The following FNDC3B variants were observed in gnomAD, a reference collection of about 807,000 sequenced individuals.
FNDC3B encodes fibronectin type III domain-containing protein 3B.
FNDC3B carries 12 observed loss-of-function variants against 151.5 expected under a neutral mutation model. That is an observed-to-expected ratio of 0.08 (90% CI 0.05 to 0.13). The LOEUF is 0.13. Among genes scored for constraint, FNDC3B ranks in the 10% least tolerant of loss-of-function variants. The pLI is 1.00. For synonymous variants in FNDC3B, 528 were observed against 549.0 expected, an observed-to-expected ratio of 0.96 and a Z score of 0.54; for missense variants, 1,214 against 1,505.3, an observed-to-expected ratio of 0.81 and a Z score of 3.20.
At chr3:172,228,810 A>G (rs1726725448) in intron 4 of FNDC3B, among the ~76,000 whole-genome samples, 1 of 152,220 alleles carries the variant, frequency 6.6e-6, no homozygotes, top group Non-Finnish European at 1.5e-5. Flanking sequence ...CTCCTTGACC[A>G]GAAGATGGGT....
intron 9 of FNDC3B, chr3:172,302,935 A>G (rs1302561166): frequency 7.3e-6 from 1 of 137,914 alleles, no homozygotes; most frequent in African/African-American, 2.8e-5. Context: ...AGAGAGAGAC[A>G]GAGACAGAGA....
intron 4 of FNDC3B, among the ~76,000 whole-genome samples, chr3:172,245,232 G>C (rs1335099351): frequency 6.6e-6 from 1 of 151,874 alleles, no homozygotes; most frequent in East Asian, 1.9e-4. Context: ...AAATTTTTTC[G>C]TTATAAATAG....
intron 1 of FNDC3B, among the ~76,000 whole-genome samples, chr3:172,093,322 T>C (rs576024603): frequency 1.3e-5 from 2 of 150,498 alleles, no homozygotes; most frequent in African/African-American, 4.9e-5. Context: ...GCAGTGGCAC[T>C]ATCTTGGCTC....
intron 1 of FNDC3B, among the ~76,000 whole-genome samples, chr3:172,102,083 A>G (rs775321710): frequency 2.6e-5 from 4 of 152,182 alleles, no homozygotes; most frequent in South Asian, 2.1e-4. Context: ...ACTAACCTAT[A>G]TATAAATTTT....
At chr3:172,362,203 G>A (rs576605955) in intron 22 of FNDC3B, among the ~76,000 whole-genome samples, 1 of 152,294 alleles carries the variant, frequency 6.6e-6, no homozygotes, top group East Asian at 1.9e-4. Flanking sequence ...GAAATGTCCT[G>A]TTGATGAGTT....
intron 3 of FNDC3B, among the ~76,000 whole-genome samples, chr3:172,203,819 G>A (rs538591136): frequency 7.9e-5 from 12 of 152,222 alleles, no homozygotes; most frequent in African/African-American, 1.2e-4. Context: ...GGTATTTCCC[G>A]TCACTTTTTT....
At chr3:172,316,029 T>C (rs146218433) in intron 11 of FNDC3B, among the ~76,000 whole-genome samples, 6 of 130,908 alleles carry the variant, frequency 4.6e-5, no homozygotes, top group Non-Finnish European at 9.8e-5. Context: ...TTTTTTGAGA[T>C]GGAGTTTTAC....
At chr3:172,090,231 G>A (rs1718745945) in intron 1 of FNDC3B, among the ~76,000 whole-genome samples, 1 of 152,080 alleles carries the variant, frequency 6.6e-6, no homozygotes, top group Admixed American at 6.6e-5. Context: ...GCAGGTCCTT[G>A]GTGCTTTTTT....
chr3:172,242,532 G>A (rs1449614126), intron 4 of FNDC3B, among the ~76,000 whole-genome samples: 1 of 152,170 alleles, frequency 6.6e-6, no homozygotes, highest in Non-Finnish European at 1.5e-5. Context: ...CCATAGCTTG[G>A]GACTTGCACC....
intron 1 of FNDC3B, among the ~76,000 whole-genome samples, chr3:172,088,660 A>G (rs1433362801): frequency 1.3e-5 from 2 of 152,234 alleles, no homozygotes; most frequent in African/African-American, 2.4e-5. Context: ...ATCCTACAAA[A>G]GAGAATGGTT....
intron 2 of FNDC3B, among the ~76,000 whole-genome samples, chr3:172,113,534 A>T (rs1019591389): frequency 6.6e-6 from 1 of 152,182 alleles, no homozygotes; most frequent in African/African-American, 2.4e-5. Context: ...CAACCTCTTA[A>T]GAACAAAAAA....
intron 5 of FNDC3B, among the ~76,000 whole-genome samples, chr3:172,249,487 C>T (rs573647203): frequency 6.6e-6 from 1 of 152,162 alleles, no homozygotes; most frequent in South Asian, 2.1e-4. Flanking sequence ...AAACAAAATC[C>T]CTTCCCTTTA....
intron 8 of FNDC3B, among the ~76,000 whole-genome samples, chr3:172,296,893 G>A (rs1046213783): frequency 3.9e-5 from 6 of 152,128 alleles, no homozygotes; most frequent in Non-Finnish European, 7.4e-5. Context: ...ACGCTCTGTG[G>A]GGGTGGGGTC....
At chr3:172,231,194 A>G (rs755802684) in intron 4 of FNDC3B, among the ~76,000 whole-genome samples, 16 of 152,380 alleles carry the variant, frequency 1.1e-4, no homozygotes, top group Non-Finnish European at 2.1e-4. Context: ...TAAGTGAAAG[A>G]AGCCAGATAT....
chr3:172,251,015 A>G (rs1330527583), intron 5 of FNDC3B, among the ~76,000 whole-genome samples: 3 of 151,986 alleles, frequency 2.0e-5, no homozygotes, highest in Non-Finnish European at 1.5e-5. Context: ...ATGGGGTTTC[A>G]CCATGTTGCC....
At chr3:172,228,929 AG>A (rs1726731100) in intron 4 of FNDC3B, among the ~76,000 whole-genome samples, 1 of 152,200 alleles carries the variant, frequency 6.6e-6, no homozygotes. Flanking sequence ...AGAAGCCAAC[AG>A]GATGTGTACA....
intron 23 of FNDC3B, among the ~76,000 whole-genome samples, chr3:172,377,225 G>A (rs538955834): frequency 5.3e-5 from 8 of 152,318 alleles, no homozygotes; most frequent in African/African-American, 7.2e-5. Context: ...ATGCTGTGAC[G>A]AAGCCCTGGA....
intron 2 of FNDC3B, among the ~76,000 whole-genome samples, chr3:172,118,532 G>C (rs1044375464): frequency 2.0e-5 from 3 of 152,216 alleles, no homozygotes; most frequent in Non-Finnish European, 2.9e-5. Context: ...ATTCAGATGA[G>C]AATGGGAGTG....
At position 172,251,512 on chromosome 3, in the gene FNDC3B, G is replaced by A; in HGVS notation, c.761G>A (p.Ser254Asn). ...IKKTERRARS[S>N]PKSNDSDLQE... ...AAAACAGAGCGACGAGCAAGAAGCA[G>A]CCCAAAGTCGAATGATTCAGACTTG... The change falls in exon 6 of 26, where the codon AGC (serine) becomes AAC (asparagine). Residue 254 changes from serine to asparagine, a missense_variant. Coordinates refer to ENST00000415807, the MANE Select transcript of FNDC3B (RefSeq NM_022763.4). 6.2e-7 allele frequency: 1 copy of A among 1,613,564 alleles called. No individual in the cohort carries two copies. Among genetic ancestry groups the A allele is most frequent in the South Asian group, 1.1e-5 (1 of 91,060 alleles).
Sources: gnomAD v4.1 joint callset for allele counts (sites outside exome capture counted in the v4.1 genomes callset) on GRCh38, gnomAD v4.1.1 for gene constraint, MANE v1.5 for transcripts, NCBI Gene and HGNC (gene_info 2026-07-23, HGNC 2026-07-21) for gene names.